Variants in NCKAP5 observed in about 807,000 individuals in gnomAD.
NCKAP5 encodes the protein nck-associated protein 5.
NCKAP5 carries 92 observed loss-of-function variants against 167.0 expected under a neutral mutation model. The observed-to-expected ratio is 0.55, with a 90% CI of 0.47 to 0.66. The LOEUF (loss-of-function observed/expected upper bound fraction) is 0.66, where lower values mean the gene tolerates loss of function less well. Ranked by LOEUF, NCKAP5 falls within the 30% of genes least tolerant of loss-of-function variation. The pLI, the probability that NCKAP5 is intolerant of heterozygous loss-of-function variation, is 0.00. For synonymous variants in NCKAP5, 891 were observed against 877.4 expected, an observed-to-expected ratio of 1.02 and a Z score of -0.27; for missense variants, 2,378 against 2,315.0, an observed-to-expected ratio of 1.03 and a Z score of -0.56.
At chr2:132,821,002 A>G (rs758618238) in intron 11 of NCKAP5, among the ~76,000 whole-genome samples, 1 of 152,198 alleles carries the variant, frequency 6.6e-6, no homozygotes, top group Non-Finnish European at 1.5e-5. Context: ...TTTTAATTTT[A>G]TTGAGGTGAG....
At chr2:133,131,514 T>C (rs534430137) in intron 5 of NCKAP5, among the ~76,000 whole-genome samples, 180 of 152,364 alleles carry the variant, frequency 1.2e-3, no homozygotes, top group African/African-American at 4.0e-3. Flanking sequence ...ATATTTTACA[T>C]TTTTAGCACA....
chr2:132,817,545 C>T (rs1686372406), intron 11 of NCKAP5, among the ~76,000 whole-genome samples: 1 of 152,144 alleles, frequency 6.6e-6, no homozygotes, highest in African/African-American at 2.4e-5. Flanking sequence ...CTTATTCTCC[C>T]TTAAAACTGT....
intron 5 of NCKAP5, among the ~76,000 whole-genome samples, chr2:133,137,994 T>C (rs2082857287): frequency 2.0e-5 from 3 of 152,068 alleles, no homozygotes; most frequent in Admixed American, 1.3e-4. Flanking sequence ...TTTGATTTTT[T>C]TTAGATGGGG....
At chr2:132,888,856 T>C (rs1004930360) in intron 8 of NCKAP5, among the ~76,000 whole-genome samples, 1 of 152,234 alleles carries the variant, frequency 6.6e-6, no homozygotes, top group Non-Finnish European at 1.5e-5. Flanking sequence ...AGTATTGTTG[T>C]AGTAGTAGAT....
chr2:132,887,348 TATCC>T (rs796252827), intron 8 of NCKAP5, among the ~76,000 whole-genome samples: 10 of 128,700 alleles, frequency 7.8e-5, no homozygotes, highest in African/African-American at 1.6e-4. Flanking sequence ...TCTATCTATC[TATCC>T]ATCCATCCAT....
At position 133,156,992 on chromosome 2, in the gene NCKAP5, GTA is replaced by G. The variant is rs1384835019; in HGVS notation, c.208-26883_208-26882del. Among the ~76,000 whole-genome samples, 10 of 152,176 alleles carry G rather than the reference GTA, an allele frequency of 6.6e-5. No homozygotes were observed. In the South Asian group the frequency reaches 1.9e-3, roughly 28 times the overall value. The stretch of plus-strand genomic sequence containing the variant: ...TTGCAATCTGAATATTTCCAACTCT[GTA>G]TCATACTGTGTATGTCCCTTGCTTA... On this transcript the variant is annotated intron_variant, in intron 5 of 19. Transcript: ENST00000409261.
At chr2:133,551,720 C>CAA (rs1387035630) in intron 2 of NCKAP5, among the ~76,000 whole-genome samples, 1 of 59,988 alleles carries the variant, frequency 1.7e-5, no homozygotes, top group African/African-American at 7.0e-5. Context: ...AAAGCAATGG[C>CAA]AACAAAAGAC....
chr2:132,784,848 G>C lies in NCKAP5; in HGVS notation c.1963C>G (p.Gln655Glu). ...RPKTFSFIKQQRVVKRTSSEE... is the reference protein window; with the variant it reads ...RPKTFSFIKQERVVKRTSSEE... ...GAAGAAGTCCTTTTTACAACTCTTTGCTGCTTAATGAAACTAAAAGTCTTT... is the reference window on the plus strand; with the variant it reads ...GAAGAAGTCCTTTTTACAACTCTTTCCTGCTTAATGAAACTAAAAGTCTTT... The change falls in exon 14 of 20, where the codon CAA becomes GAA. Residue 655 changes from glutamine (Q) to glutamate (E), a missense_variant. Coordinates refer to ENST00000409261, the MANE Select transcript of NCKAP5 (RefSeq NM_207363.3). 3 of 1,565,644 alleles carry C rather than the reference G, an allele frequency of 1.9e-6. No individual in the cohort carries two copies. The South Asian group carries it at 3.6e-5, about 19-fold the overall frequency.
intron 3 of NCKAP5, among the ~76,000 whole-genome samples, chr2:133,412,395 T>C (rs1417639005): frequency 6.6e-6 from 1 of 152,210 alleles, no homozygotes; most frequent in South Asian, 2.1e-4. Flanking sequence ...TGGTACTTTA[T>C]TACAGCAGCC....
chr2:132,839,017 A>G (rs1203247055), intron 11 of NCKAP5, among the ~76,000 whole-genome samples: 1 of 152,182 alleles, frequency 6.6e-6, no homozygotes, highest in Non-Finnish European at 1.5e-5. Context: ...CACTTCTATC[A>G]ACTGCCTTCT....
chr2:133,525,635 T>C (rs1361824826), intron 2 of NCKAP5, among the ~76,000 whole-genome samples: 1 of 152,246 alleles, frequency 6.6e-6, no homozygotes, highest in South Asian at 2.1e-4. Context: ...TATTGAGATA[T>C]AATTCGTATA....
At chr2:133,594,661 G>A in the NCKAP5 span, among the ~76,000 whole-genome samples, 96 of 152,230 alleles carry the variant, frequency 6.3e-4, no homozygotes, top group Middle Eastern at 0.014. Context: ...ATCTACAAAA[G>A]GGAGGTCATT....
chr2:132,979,226 C>T lies in NCKAP5; in HGVS notation c.429+14926G>A, dbSNP rs759755036. Among the ~76,000 whole-genome samples the T allele has an allele frequency of 3.3e-5, 5 of 152,112 alleles. No homozygotes were observed. In the South Asian group the frequency reaches 1.0e-3, roughly 32 times the overall value. ...AGTTAGCAGGCACCACTAACTAAGGCGAATTTAGAGTCCTGTCTTTTTTTT... is the reference window on the plus strand; with the variant it reads ...AGTTAGCAGGCACCACTAACTAAGGTGAATTTAGAGTCCTGTCTTTTTTTT... On this transcript the variant is annotated intron_variant, in intron 7 of 19. Transcript: ENST00000409261.
chr2:133,106,667 GAACTTGTGTGACTGTAAA>G (rs1385430486), intron 6 of NCKAP5, among the ~76,000 whole-genome samples: 1 of 152,158 alleles, frequency 6.6e-6, no homozygotes, highest in African/African-American at 2.4e-5. Flanking sequence ...TGGTGAGGCA[GAACTTGTGTGACTGTAAA>G]AACAGCAGTT....
chr2:133,641,873 A>G, the NCKAP5 span, among the ~76,000 whole-genome samples: 1 of 152,192 alleles, frequency 6.6e-6, no homozygotes, highest in Admixed American at 6.5e-5. Flanking sequence ...CTATTATAGC[A>G]AAGTGCCTCT....
chr2:133,424,244 C>A (rs1689654199), intron 3 of NCKAP5, among the ~76,000 whole-genome samples: 1 of 152,136 alleles, frequency 6.6e-6, no homozygotes, highest in Admixed American at 6.5e-5. Flanking sequence ...ACAAAAGAGT[C>A]CTTCTCAGGC....
At chr2:133,137,406 TTGTGTGTGTGTGTGTGTGTGTGTG>T (rs58955655) in intron 5 of NCKAP5, among the ~76,000 whole-genome samples, 1 of 136,204 alleles carries the variant, frequency 7.3e-6, no homozygotes, top group Non-Finnish European at 1.6e-5. Context: ...GAGCTTGGTT[TTGTGTGTGTGTGTGTGTGTGTGTG>T]TGTGTGTGTG....
At chr2:132,855,636 A>G (rs1266259609) in intron 11 of NCKAP5, among the ~76,000 whole-genome samples, 2 of 152,164 alleles carry the variant, frequency 1.3e-5, no homozygotes, top group African/African-American at 4.8e-5. Flanking sequence ...TTTGTGTCTC[A>G]AGAGAGGCCA....
At chr2:133,347,352 G>A (rs1177962588) in intron 3 of NCKAP5, among the ~76,000 whole-genome samples, 2 of 151,962 alleles carry the variant, frequency 1.3e-5, no homozygotes, top group Non-Finnish European at 2.9e-5. Flanking sequence ...TTGGAAGTTC[G>A]AGATCAGCCT....
Sources: gnomAD v4.1 joint callset for allele counts (sites outside exome capture counted in the v4.1 genomes callset) on GRCh38, gnomAD v4.1.1 for gene constraint, MANE v1.5 for transcripts, NCBI Gene and HGNC (gene_info 2026-07-23, HGNC 2026-07-21) for gene names.